Variants in TRMT112 observed in about 807,000 individuals in gnomAD.
The protein encoded by TRMT112 is tRNA methyltransferase activator subunit 11-2, also known as multifunctional methyltransferase subunit TRM112-like protein.
A neutral mutation model predicts 13.8 loss-of-function variants in TRMT112; 9 were observed. The observed-to-expected ratio is 0.65, with a 90% confidence interval of 0.39 to 1.14. The LOEUF is 1.14. TRMT112 is among the 50% of genes most tolerant of loss of function. The pLI is 0.01. For synonymous variants in TRMT112, 64 were observed against 67.0 expected (o/e 0.96, Z 0.22); for missense variants, 196 against 165.5 (o/e 1.18, Z -1.01).
At chr11:64,317,855 C>T, upstream of TRMT112, 6 of 1,042,522 alleles carry the variant, frequency 5.8e-6, no homozygotes, top group Non-Finnish European at 6.5e-6. Context: ...ACATTTTACT[C>T]CTACACAGGC....
chr11:64,317,045 G>C lies in TRMT112; in HGVS notation c.270+13C>G. The stretch of plus-strand genomic sequence containing the variant: ...CAGGTGGCCCGGGAAGCAAGTGATG[G>C]GCCGCTTCTCACCTCCAGCAGCAGG... On this transcript the variant is annotated intron_variant, in intron 3 of 3. Coordinates refer to ENST00000544844, the MANE Select transcript of TRMT112 (RefSeq NM_016404.3). 1 of 1,614,054 alleles carries C rather than the reference G, an allele frequency of 6.2e-7. No homozygotes were observed. The highest frequency in any genetic ancestry group is 8.5e-7 in the Non-Finnish European group (1 of 1,179,912).
chr11:64,317,891 C>A (rs1240772536), upstream of TRMT112: 3 of 1,317,348 alleles, frequency 2.3e-6, no homozygotes, highest in Non-Finnish European at 2.0e-6. Context: ...CCTCTGTATC[C>A]CACTTTCGGT....
At position 64,317,304 on chromosome 11, in the gene TRMT112, G is replaced by A; in HGVS notation, c.140C>T (p.Pro47Leu). ...FNPNFVARMI[P>L]KVEWSAFLEA... ...CAGGAACGCCGACCACTCCACTTTA[G>A]GTATCATACGCGCCACGAAGTTGGG... is the stretch of plus-strand genomic sequence containing the variant. The change falls in exon 2 of 4, where the codon CCT becomes CTT. Residue 47 changes from proline to leucine, a missense_variant. By Grantham distance (98) the Pro-to-Leu change is moderately conservative (BLOSUM62 -3). Coordinates refer to ENST00000544844, the MANE Select transcript of TRMT112 (RefSeq NM_016404.3). 2 of 1,614,072 alleles carry A rather than the reference G, an allele frequency of 1.2e-6. No individual in the cohort carries two copies. Among genetic ancestry groups the A allele is most frequent in the Non-Finnish European group, 1.7e-6 (2 of 1,179,952 alleles).
At position 64,317,457 on chromosome 11, in the gene TRMT112, G is replaced by T. The variant is rs2035327236; in HGVS notation, c.70C>A (p.Arg24Ser). 1 of 1,610,272 alleles carries T rather than the reference G, an allele frequency of 6.2e-7. No individual in the cohort carries two copies. Among genetic ancestry groups the T allele is most frequent in the Non-Finnish European group, 8.5e-7 (1 of 1,178,218 alleles). Residue 24 changes from arginine to serine, a missense_variant, in exon 1 of 4, where the codon CGC becomes AGC. By Grantham distance (110) the Arg-to-Ser change is moderately radical (BLOSUM62 -1). Coordinates refer to ENST00000544844, the MANE Select transcript of TRMT112 (RefSeq NM_016404.3). ...CTGCCGCCGGCGGGTACCTGGAGGC[G>T]CAGGGGGAAGCCACGGGACCCCACC... ...RGVGSRGFPL[R>S]LQATEVRICP...
chr11:64,318,156 G>A (rs987743524), upstream of TRMT112: 5 of 1,601,658 alleles, frequency 3.1e-6, no homozygotes, highest in East Asian at 4.5e-5. Flanking sequence ...CGCTAGCGGT[G>A]CCCCGCCTGC....
upstream of TRMT112, chr11:64,318,239 C>T (rs747092163): frequency 1.2e-6 from 2 of 1,611,870 alleles, no homozygotes; most frequent in East Asian, 4.5e-5. Flanking sequence ...GCGTGTGCGC[C>T]CTGAGACGCT....
At chr11:64,317,758 C>T (rs1591252134), upstream of TRMT112, 1 of 757,506 alleles carries the variant, frequency 1.3e-6, no homozygotes. Context: ...GCACGCCCAG[C>T]TTTTTTTTGC....
chr11:64,318,253 C>G, upstream of TRMT112: 1 of 1,612,150 alleles, frequency 6.2e-7, no homozygotes, highest in Non-Finnish European at 8.5e-7. Context: ...AGACGCTCAG[C>G]GGGCTATATA....
At chr11:64,318,270 G>T, upstream of TRMT112, 2 of 1,612,464 alleles carry the variant, frequency 1.2e-6, no homozygotes, top group Non-Finnish European at 1.7e-6. Context: ...TATACTCGTC[G>T]GTGGGGCCGG....
Position 64,317,127 on chromosome 11 carries a change from C to T in TRMT112, c.201G>A (p.Pro67=). The change falls in exon 3 of 4, where the codon CCG becomes CCA. Residue 67 remains proline, a synonymous_variant. Coordinates refer to ENST00000544844, the MANE Select transcript of TRMT112 (RefSeq NM_016404.3). ...CCTCATATCCCTCAACCGGCCCTTT[C>T]GGCACCTGGATCAGACGCAACTGTG... The part of the protein sequence containing the change: ...AADNLRLIQV[P]KGPVEGYEEN... 1 of 1,614,166 alleles carries T rather than the reference C, an allele frequency of 6.2e-7. No individual in the cohort carries two copies. Among genetic ancestry groups the T allele is most frequent in the Non-Finnish European group, 8.5e-7 (1 of 1,180,026 alleles).
chr11:64,318,309 C>T (rs1025775108), upstream of TRMT112: 2 of 1,612,626 alleles, frequency 1.2e-6, no homozygotes, highest in Admixed American at 1.7e-5. Flanking sequence ...GGCAGCAAGA[C>T]GGTACAGTGA....
upstream of TRMT112, chr11:64,318,380 A>G (rs779991462): frequency 1.9e-6 from 3 of 1,606,516 alleles, no homozygotes; most frequent in Non-Finnish European, 2.5e-6. Context: ...CCATGGCCCC[A>G]ATCAAGGTGA....
In TRMT112 at chr11:64,316,908, G is replaced by A. The variant is rs1217409217; in HGVS notation, c.331C>T (p.Arg111Cys). ...CTCAGCAGCATGTTGGGGATCCCGC[G>A]GCTGATGGGGAACATACGTCCAGAT... ...PESGRMFPIS[R>C]GIPNMLLSEE... Residue 111 changes from arginine (R) to cysteine (C), a missense_variant, in exon 4 of 4, where the codon CGC becomes TGC. Arg to Cys is a radical substitution (Grantham distance 180). Coordinates refer to ENST00000544844, the MANE Select transcript of TRMT112 (RefSeq NM_016404.3). The A allele has an allele frequency of 2.5e-6, 4 of 1,611,134 alleles. No homozygotes were observed. Among genetic ancestry groups the A allele is most frequent in the Non-Finnish European group, 3.4e-6 (4 of 1,178,178 alleles).
upstream of TRMT112, chr11:64,318,247 G>A: frequency 1.2e-6 from 2 of 1,612,108 alleles, no homozygotes; most frequent in South Asian, 1.1e-5. Context: ...GCCCTGAGAC[G>A]CTCAGCGGGC....
At chr11:64,317,937 G>T, upstream of TRMT112, 1 of 1,378,234 alleles carries the variant, frequency 7.3e-7, no homozygotes, top group Non-Finnish European at 9.3e-7. Flanking sequence ...TGTAAATTAG[G>T]CCCATGGAAG....
rs2135267067 is a variant in TRMT112 at position 64,316,959 on chromosome 11, T to G, written c.280A>C (p.Ile94Leu). The G allele has an allele frequency of 6.2e-7, 1 of 1,613,384 alleles. No individual in the cohort carries two copies. Among genetic ancestry groups the G allele is most frequent in the Non-Finnish European group, 8.5e-7 (1 of 1,179,362 alleles). ...TCCGGGCACTGCAGGGTGCCCTCTA[T>G]CACTTCCACCTGCGGGCAGGGAGGG... ...MHHLLLEVEV[I>L]EGTLQCPESG... Residue 94 changes from isoleucine to leucine, a missense_variant, in exon 4 of 4, where the codon ATA becomes CTA. Physicochemically the swap from Ile to Leu is conservative, Grantham distance 5 (BLOSUM62 2). Coordinates refer to ENST00000544844, the MANE Select transcript of TRMT112 (RefSeq NM_016404.3).
chr11:64,317,540 C>A lies in TRMT112; in HGVS notation c.-14G>T. ...AAGCAGTTTCATGTCGCCGCACAAACTCTCGCCAGGCCGGAACCGGAAAAA... is the reference window on the plus strand; with the variant it reads ...AAGCAGTTTCATGTCGCCGCACAAAATCTCGCCAGGCCGGAACCGGAAAAA... On this transcript the variant is annotated 5_prime_UTR_variant, in exon 1 of 4. Transcript: ENST00000544844. 6.5e-7 allele frequency: 1 copy of A among 1,544,548 alleles called. No individual in the cohort carries two copies. The highest frequency in any genetic ancestry group is 1.9e-5 in the Admixed American group (1 of 51,742).
At chr11:64,318,045 A>G, upstream of TRMT112, 1 of 1,433,752 alleles carries the variant, frequency 7.0e-7, no homozygotes, top group Non-Finnish European at 9.1e-7. Context: ...CCCAGTGCAA[A>G]CGAGGCGTGG....
At position 64,316,724 on chromosome 11, in the gene TRMT112, T is replaced by C; in HGVS notation, c.*137A>G. The stretch of plus-strand genomic sequence containing the variant: ...TTAAACCTTTAATGAGAAAAAAATA[T>C]ATAATACCGAGCTCAAAAACACTGT... On this transcript the variant is annotated 3_prime_UTR_variant, in exon 4 of 4. Transcript: ENST00000544844. The C allele has an allele frequency of 3.1e-6, 2 of 646,960 alleles. No individual in the cohort carries two copies. The highest frequency in any genetic ancestry group is 2.7e-5 in the East Asian group (1 of 37,412). The allele number at this position is 646,960 out of a possible 1,614,324, so 40.1% of individuals were successfully genotyped here. A position where few individuals can be genotyped will look rare whatever the true frequency, so the allele number is the denominator to read the frequency against.
Sources: allele counts gnomAD v4.1 joint callset, GRCh38; gene constraint gnomAD v4.1.1; transcripts MANE v1.5; gene names NCBI Gene and HGNC (gene_info 2026-07-23, HGNC 2026-07-21).